Variants in PLA2G4A observed in about 807,000 individuals in gnomAD.
PLA2G4A encodes cytosolic phospholipase A2.
PLA2G4A carries 40 observed loss-of-function variants against 81.9 expected under a neutral mutation model. That is an observed-to-expected ratio of 0.49 (90% confidence interval 0.38 to 0.64). The LOEUF (loss-of-function observed/expected upper bound fraction) is 0.64. PLA2G4A is among the 30% of genes least tolerant of loss of function. The probability of loss-of-function intolerance (pLI) is 0.00; values close to 1 mark genes in which losing one functional copy is unlikely to be tolerated. For missense variants in PLA2G4A, 715 were observed against 905.1 expected, an observed-to-expected ratio of 0.79 and a Z score of 2.69; for synonymous variants, 302 against 296.9, an observed-to-expected ratio of 1.02 and a Z score of -0.18.
At chr1:186,971,584 C>T (rs1001505773) in intron 15 of PLA2G4A, among the ~76,000 whole-genome samples, 1 of 151,870 alleles carries the variant, frequency 6.6e-6, no homozygotes, top group Non-Finnish European at 1.5e-5. Flanking sequence ...TAGGTATGTA[C>T]TTCAGCAAGT....
At chr1:186,980,739 G>A (rs1339844774) in intron 17 of PLA2G4A, among the ~76,000 whole-genome samples, 7 of 149,868 alleles carry the variant, frequency 4.7e-5, no homozygotes, top group African/African-American at 1.7e-4. Context: ...AATCATCACA[G>A]TTGCACCATA....
chr1:186,936,612 A>C (rs1002006082), intron 8 of PLA2G4A, among the ~76,000 whole-genome samples: 2 of 151,998 alleles, frequency 1.3e-5, no homozygotes, highest in African/African-American at 4.8e-5. Flanking sequence ...AAAATTCTAA[A>C]TGTTTAACCC....
chr1:186,847,357 C>CGTGG (rs1553268132), intron 1 of PLA2G4A, among the ~76,000 whole-genome samples: 6 of 146,192 alleles, frequency 4.1e-5, no homozygotes, highest in Admixed American at 1.4e-4. Flanking sequence ...TTATTTCATA[C>CGTGG]GTGTGTGTGT....
intron 8 of PLA2G4A, among the ~76,000 whole-genome samples, chr1:186,933,594 T>A (rs1317150040): frequency 6.6e-6 from 1 of 152,178 alleles, no homozygotes; most frequent in Non-Finnish European, 1.5e-5. Context: ...CTTGCTCACA[T>A]GTCTCAAATA....
chr1:186,834,424 G>A (rs1430185135), intron 1 of PLA2G4A, among the ~76,000 whole-genome samples: 2 of 151,788 alleles, frequency 1.3e-5, no homozygotes, highest in African/African-American at 4.8e-5. Flanking sequence ...CCATTTTGAT[G>A]TATTTAAATG....
chr1:186,939,504 A>C (rs1162500193), intron 9 of PLA2G4A, among the ~76,000 whole-genome samples: 3 of 151,430 alleles, frequency 2.0e-5, no homozygotes, highest in African/African-American at 7.3e-5. Flanking sequence ...AAAAAAAAAA[A>C]AAAAAAAAAT....
At chr1:186,924,080 C>T (rs776860634) in intron 7 of PLA2G4A, among the ~76,000 whole-genome samples, 1 of 152,206 alleles carries the variant, frequency 6.6e-6, no homozygotes, top group Non-Finnish European at 1.5e-5. Context: ...TCCTAAGCTC[C>T]TCTTGAATAC....
At chr1:186,830,423 C>G (rs141656718) in intron 1 of PLA2G4A, among the ~76,000 whole-genome samples, 2 of 151,728 alleles carry the variant, frequency 1.3e-5, no homozygotes, top group South Asian at 4.2e-4. Flanking sequence ...GCCTGGCCAA[C>G]GTGGTGAAAC....
In PLA2G4A at chr1:186,949,438, A is replaced by G. The variant is rs541670496; in HGVS notation, c.1265-1219A>G. Among the ~76,000 whole-genome samples the G allele has an allele frequency of 6.5e-4, 98 of 150,066 alleles. 1 individual carries two copies. In the South Asian group the frequency reaches 0.015, roughly 23 times the overall value. ...AAGAAAGGCAATAGAAAGAAAGAAA[A>G]TACTTAAGGAAGGAAAAGAAAATAA... On this transcript the variant is annotated intron_variant, in intron 12 of 17. Transcript: ENST00000367466.
chr1:186,958,675 C>A (rs1464716788), intron 14 of PLA2G4A, among the ~76,000 whole-genome samples: 3 of 152,160 alleles, frequency 2.0e-5, no homozygotes, highest in Admixed American at 6.5e-5. Context: ...TCTTAGTCAT[C>A]CACTTGCTTA....
At chr1:186,961,294 G>A (rs1469921498) in intron 14 of PLA2G4A, among the ~76,000 whole-genome samples, 1 of 152,090 alleles carries the variant, frequency 6.6e-6, no homozygotes, top group Non-Finnish European at 1.5e-5. Flanking sequence ...GGTGCCTGCA[G>A]TTAATAATAA....
intron 2 of PLA2G4A, among the ~76,000 whole-genome samples, chr1:186,868,934 T>TG (rs946421858): frequency 2.6e-5 from 4 of 151,956 alleles, no homozygotes; most frequent in Non-Finnish European, 4.4e-5. Context: ...TTTTTTTTTT[T>TG]TTCTTAGCAT....
chr1:186,843,775 G>C (rs766184137), intron 1 of PLA2G4A, among the ~76,000 whole-genome samples: 4 of 152,148 alleles, frequency 2.6e-5, no homozygotes, highest in Non-Finnish European at 5.9e-5. Context: ...TAGAGGAAAT[G>C]TTTCCACTTC....
At chr1:186,838,929 T>A (rs1028863005) in intron 1 of PLA2G4A, among the ~76,000 whole-genome samples, 23 of 152,216 alleles carry the variant, frequency 1.5e-4, no homozygotes, top group African/African-American at 5.1e-4. Context: ...AAATCTTTCA[T>A]TTTGCATCTA....
At chr1:186,868,331 G>A (rs143666975) in intron 2 of PLA2G4A, among the ~76,000 whole-genome samples, 1,720 of 152,178 alleles carry the variant, frequency 0.011, 21 homozygotes, top group African/African-American at 0.04. Flanking sequence ...GCCCGCTTCC[G>A]CCTCCCAAAG....
At chr1:186,892,987 C>T (rs1359482863) in intron 3 of PLA2G4A, 24 bp from the exon 4 acceptor site, 1 of 1,580,078 alleles carries the variant, frequency 6.3e-7, no homozygotes, top group Non-Finnish European at 8.7e-7. Context: ...CTACCTCCTT[C>T]TTGTTTGTGT....
chr1:186,963,923 T>C (rs1657042314), intron 14 of PLA2G4A, among the ~76,000 whole-genome samples: 1 of 152,240 alleles, frequency 6.6e-6, no homozygotes, highest in South Asian at 2.1e-4. Context: ...ATGGATTTAA[T>C]TGGACAAGAA....
At chr1:186,885,455 C>A (rs1571366051) in intron 3 of PLA2G4A, among the ~76,000 whole-genome samples, 1 of 152,160 alleles carries the variant, frequency 6.6e-6, no homozygotes, top group African/African-American at 2.4e-5. Flanking sequence ...CCTACTTTCT[C>A]TGCCTGCCAG....
chr1:186,851,424 G>T (rs1652367422), intron 1 of PLA2G4A, among the ~76,000 whole-genome samples: 1 of 151,960 alleles, frequency 6.6e-6, no homozygotes, highest in African/African-American at 2.4e-5. Context: ...TGGTAAAGAT[G>T]AAAATGAGGC....
Sources: allele counts gnomAD v4.1 joint callset (sites outside exome capture counted in the v4.1 genomes callset), GRCh38; gene constraint gnomAD v4.1.1; transcripts MANE v1.5; gene names NCBI Gene and HGNC (gene_info 2026-07-23, HGNC 2026-07-21).